The following RGS7 variants were observed in gnomAD, a reference collection of about 807,000 sequenced individuals.
RGS7 encodes regulator of G-protein signaling 7.
Under a neutral mutation model 81.1 loss-of-function variants are expected in RGS7, and 27 were observed. That is an observed-to-expected ratio of 0.33 (90% CI 0.25 to 0.46). The LOEUF is 0.46. Among genes scored for constraint, RGS7 ranks in the 20% least tolerant of loss-of-function variants. The probability of loss-of-function intolerance (pLI) is 1.00; values close to 1 mark genes in which losing one functional copy is unlikely to be tolerated. For missense variants in RGS7, 396 were observed against 607.4 expected, an observed-to-expected ratio of 0.65 and a Z score of 3.66; for synonymous variants, 208 against 207.7, an observed-to-expected ratio of 1.00 and a Z score of -0.01.
intron 3 of RGS7, among the ~76,000 whole-genome samples, chr1:241,060,402 C>G (rs1317296222): frequency 6.6e-6 from 1 of 152,178 alleles, no homozygotes; most frequent in African/African-American, 2.4e-5. Flanking sequence ...TGACAGACAG[C>G]AGGCTCTTAC....
intron 2 of RGS7, among the ~76,000 whole-genome samples, chr1:241,148,338 AC>A (rs2068505596): frequency 6.6e-6 from 1 of 152,130 alleles, no homozygotes; most frequent in Non-Finnish European, 1.5e-5. Flanking sequence ...GGCATGAGCC[AC>A]CATGACTGGC....
intron 3 of RGS7, among the ~76,000 whole-genome samples, chr1:241,018,843 T>TAG (rs997548925): frequency 2.0e-5 from 3 of 152,102 alleles, no homozygotes; most frequent in African/African-American, 7.2e-5. Flanking sequence ...CCCTGATAAT[T>TAG]AGGATTTTTC....
At chr1:241,171,891 T>C (rs1387153446) in intron 2 of RGS7, among the ~76,000 whole-genome samples, 1 of 152,238 alleles carries the variant, frequency 6.6e-6, no homozygotes, top group Admixed American at 6.5e-5. Flanking sequence ...TAACGCATCC[T>C]GTGGAGAAAC....
intron 3 of RGS7, among the ~76,000 whole-genome samples, chr1:241,030,524 A>ACACACACACACACC: frequency 6.7e-6 from 1 of 148,828 alleles, no homozygotes; most frequent in Non-Finnish European, 1.5e-5. Flanking sequence ...ACACACACAC[A>ACACACACACACACC]TCCTTCTTTG....
chr1:241,334,635 C>T (rs894530363), intron 2 of RGS7, among the ~76,000 whole-genome samples: 1 of 152,128 alleles, frequency 6.6e-6, no homozygotes, highest in South Asian at 2.1e-4. Flanking sequence ...ACAGTAGTAA[C>T]CACTCAATTC....
chr1:241,166,303 G>A (rs1307282825), intron 2 of RGS7, among the ~76,000 whole-genome samples: 1 of 152,196 alleles, frequency 6.6e-6, no homozygotes, highest in Admixed American at 6.5e-5. Context: ...AAAGAAGTCA[G>A]CGTATGCAAA....
intron 2 of RGS7, among the ~76,000 whole-genome samples, chr1:241,210,463 T>G (rs1269870433): frequency 6.6e-6 from 1 of 152,162 alleles, no homozygotes; most frequent in Admixed American, 6.5e-5. Flanking sequence ...AATGCAACCA[T>G]TTTTAAAGAG....
rs376842337 is a variant in RGS7 at position 240,826,996 on chromosome 1, G to C, written c.684+102C>G. The stretch of plus-strand genomic sequence containing the variant: ...GGGCTGTGGAAGGCTGGGAAGAGTG[G>C]GAAAGATACTGCATGACATGAGAAG... On this transcript the variant is annotated intron_variant, in intron 10 of 18. Coordinates refer to ENST00000440928, the MANE Select transcript of RGS7 (RefSeq NM_001364886.1). 1.9e-3 allele frequency: 1,792 copies of C among 961,868 alleles called. 2 individuals carry two copies. The highest frequency in any genetic ancestry group is 2.8e-3 in the Non-Finnish European group (1,634 of 588,872). 59.6% of individuals were successfully genotyped at this position (961,868 alleles called of 1,614,324 possible).
rs1014778337 is a variant in RGS7, at chr1:240,880,265, G to A, written c.386-10146C>T. ...CCATATTGCCCAGGTTGATCTTGAAGTCCCGGGCTCCAGCAGTTCTCCCGC... is the reference window on the plus strand; with the variant it reads ...CCATATTGCCCAGGTTGATCTTGAAATCCCGGGCTCCAGCAGTTCTCCCGC... On this transcript the variant is annotated intron_variant, in intron 6 of 18. Transcript: ENST00000440928. Among the ~76,000 whole-genome samples, 3 of 152,340 alleles carry A rather than the reference G, an allele frequency of 2.0e-5. No individual in the cohort carries two copies. In the East Asian group the frequency reaches 5.8e-4, roughly 29 times the overall value.
intron 4 of RGS7, among the ~76,000 whole-genome samples, chr1:240,949,201 C>T (rs552178127): frequency 6.6e-6 from 1 of 152,248 alleles, no homozygotes; most frequent in South Asian, 2.1e-4. Context: ...ATTTTCTCAC[C>T]TTTCAATTTT....
chr1:241,010,522 A>G (rs1387846418), intron 3 of RGS7, among the ~76,000 whole-genome samples: 1 of 152,236 alleles, frequency 6.6e-6, no homozygotes, highest in East Asian at 1.9e-4. Context: ...GAAAGGAATC[A>G]TTGCTGATCG....
intron 3 of RGS7, among the ~76,000 whole-genome samples, chr1:241,005,351 C>G (rs554029687): frequency 6.6e-6 from 1 of 152,064 alleles, no homozygotes. Flanking sequence ...TGCACCACGT[C>G]GATTAAGGTA....
chr1:240,882,158 A>C (rs1572572980), intron 6 of RGS7, among the ~76,000 whole-genome samples: 1 of 152,004 alleles, frequency 6.6e-6, no homozygotes, highest in East Asian at 1.9e-4. Flanking sequence ...CAAGTGATCC[A>C]CCCGCCTTGG....
intron 3 of RGS7, among the ~76,000 whole-genome samples, chr1:241,027,242 T>C (rs1167281760): frequency 6.7e-6 from 1 of 148,430 alleles, no homozygotes; most frequent in African/African-American, 2.5e-5. Context: ...AAAAAGAAGG[T>C]TCATGTGGAG....
At chr1:241,029,166 A>T (rs2059943362) in intron 3 of RGS7, among the ~76,000 whole-genome samples, 1 of 151,906 alleles carries the variant, frequency 6.6e-6, no homozygotes, top group Non-Finnish European at 1.5e-5. Flanking sequence ...AGAGGAAGTC[A>T]CTCTATAAAG....
At chr1:241,225,040 T>C (rs1441788316) in intron 2 of RGS7, among the ~76,000 whole-genome samples, 1 of 152,202 alleles carries the variant, frequency 6.6e-6, no homozygotes. Context: ...CAAGTGTAGT[T>C]CTGTTACATG....
intron 2 of RGS7, among the ~76,000 whole-genome samples, chr1:241,240,168 A>G (rs771438438): frequency 1.3e-5 from 2 of 152,160 alleles, no homozygotes; most frequent in Non-Finnish European, 2.9e-5. Context: ...CACTGAAACC[A>G]AAGTGTTTTA....
intron 3 of RGS7, among the ~76,000 whole-genome samples, chr1:241,028,886 G>A (rs927618035): frequency 3.9e-5 from 6 of 152,116 alleles, no homozygotes; most frequent in African/African-American, 1.4e-4. Flanking sequence ...TGACACAGAA[G>A]ACCCAAAGGG....
At chr1:240,881,920 T>C (rs71568974) in intron 6 of RGS7, among the ~76,000 whole-genome samples, 11,648 of 71,872 alleles carry the variant, frequency 0.16, 565 homozygotes, top group Middle Eastern at 0.3. Context: ...TATAAAAATC[T>C]TTTTTTTTTT....
Sources: allele counts gnomAD v4.1 joint callset (sites outside exome capture counted in the v4.1 genomes callset), GRCh38; gene constraint gnomAD v4.1.1; transcripts MANE v1.5; gene names NCBI Gene and HGNC (gene_info 2026-07-23, HGNC 2026-07-21).